FAM227B: variants seen among roughly 807,000 people sequenced by gnomAD.
FAM227B encodes protein FAM227B.
A neutral mutation model predicts 73.8 loss-of-function variants in FAM227B; 88 were observed. The ratio of observed to expected loss-of-function variants is 1.19; its 90% CI spans 1.00 to 1.42. The LOEUF is 1.42. Among genes scored for constraint, FAM227B ranks in the 40% most tolerant of loss-of-function variants. The pLI is 0.00. For synonymous variants in FAM227B, 210 were observed against 190.5 expected (o/e 1.10, Z -0.84); for missense variants, 632 against 590.9 (o/e 1.07, Z -0.72).
intron 13 of FAM227B, among the ~76,000 whole-genome samples, chr15:49,356,128 G>A (rs1450456456): frequency 6.6e-6 from 1 of 152,134 alleles, no homozygotes; most frequent in Non-Finnish European, 1.5e-5. Flanking sequence ...ACCAGCCGCT[G>A]TAAAATCATG....
intron 2 of FAM227B, 134 bp downstream of exon 2, chr15:49,614,987 G>T: frequency 2.6e-6 from 2 of 772,366 alleles, no homozygotes; most frequent in Non-Finnish European, 4.6e-6. Flanking sequence ...TCTGTGCAGC[G>T]AGCATTAAGA....
In FAM227B at chr15:49,422,145, A is replaced by AGAGAGAGAGAGAGTGT. The variant is rs757128514; in HGVS notation, c.1013-50747_1013-50746insACACTCTCTCTCTCTC. Among the ~76,000 whole-genome samples, 7 of 139,916 alleles carry AGAGAGAGAGAGAGTGT rather than the reference A, an allele frequency of 5.0e-5. No individual in the cohort carries two copies. The South Asian group carries it at 8.3e-4, about 17-fold the overall frequency. The allele number at this position is 139,916 out of a possible 152,430, so 91.8% of individuals were successfully genotyped here. Reference sequence around the variant, plus strand: ...TAGAGAGAGAGAGAGAGAGAGAGAGAGTGTGTGTGTGTGTGTGTGCGCGCG... The same window carrying AGAGAGAGAGAGAGTGT: ...TAGAGAGAGAGAGAGAGAGAGAGAGAGAGAGAGAGAGAGTGTGTGTGTGTGTGTGTGTGTGCGCGCG... On this transcript the variant is annotated intron_variant, in intron 11 of 15. Transcript: ENST00000299338.
At chr15:49,511,000 T>C (rs1339824831) in intron 10 of FAM227B, among the ~76,000 whole-genome samples, 4 of 152,030 alleles carry the variant, frequency 2.6e-5, no homozygotes, top group Non-Finnish European at 5.9e-5. Context: ...CTCTGGGTTC[T>C]GAGGACTCAC....
At position 49,541,830 on chromosome 15, in the gene FAM227B, A is replaced by G. The variant is rs767648623; in HGVS notation, c.748-24T>C. 9.0e-6 allele frequency: 12 copies of G among 1,330,550 alleles called. No individual in the cohort carries two copies. In the African/African-American group the frequency reaches 1.2e-4, roughly 14 times the overall value. 82.4% of individuals were successfully genotyped at this position (1,330,550 alleles called of 1,614,324 possible). A position where few individuals can be genotyped will look rare whatever the true frequency, so the allele number is the denominator to read the frequency against. ...ATCTACCAAAATAAAATCAAATTAG[A>G]TTAATTTTATATTTTTAAATTTTAA... On this transcript the variant is annotated intron_variant, in intron 9 of 15. Coordinates refer to ENST00000299338, the MANE Select transcript of FAM227B (RefSeq NM_152647.3).
chr15:49,598,055 T>C (rs534868846), intron 3 of FAM227B, among the ~76,000 whole-genome samples: 10 of 151,964 alleles, frequency 6.6e-5, no homozygotes, highest in Admixed American at 4.6e-4. Context: ...CAAAGAAGAA[T>C]TGGTACCAAT....
Position 49,327,955 on chromosome 15 carries a change from G to T in FAM227B, c.*613C>A. The T allele has an allele frequency of 6.2e-7, 1 of 1,608,364 alleles. No individual in the cohort carries two copies. The highest frequency in any genetic ancestry group is 8.5e-7 in the Non-Finnish European group (1 of 1,176,536). ...ATTTTTTTCCTCACTGTTTTAGGAA[G>T]TTTGGGGCTCAAGGGTCACGACTTA... On this transcript the variant is annotated 3_prime_UTR_variant, in exon 16 of 16. Coordinates refer to ENST00000299338, the MANE Select transcript of FAM227B (RefSeq NM_152647.3).
At chr15:49,604,802 T>C (rs898269350) in intron 3 of FAM227B, among the ~76,000 whole-genome samples, 2 of 151,964 alleles carry the variant, frequency 1.3e-5, no homozygotes, top group African/African-American at 4.8e-5. Flanking sequence ...CCCCTATTCT[T>C]TCTTCTGCTT....
chr15:49,437,823 T>G (rs2051247767), intron 11 of FAM227B, among the ~76,000 whole-genome samples: 1 of 151,654 alleles, frequency 6.6e-6, no homozygotes, highest in South Asian at 2.1e-4. Flanking sequence ...AGAGTCAATT[T>G]CAGTAGAATA....
chr15:49,597,207 G>C (rs942830166), intron 3 of FAM227B, among the ~76,000 whole-genome samples: 1 of 151,942 alleles, frequency 6.6e-6, no homozygotes, highest in Non-Finnish European at 1.5e-5. Flanking sequence ...CTCCAAGATA[G>C]ACCATGTGAC....
intron 9 of FAM227B, among the ~76,000 whole-genome samples, chr15:49,545,468 T>C (rs1056097558): frequency 6.6e-6 from 1 of 152,184 alleles, no homozygotes; most frequent in Non-Finnish European, 1.5e-5. Context: ...TTGTCTTTTA[T>C]AGTTTTTTGT....
chr15:49,353,871 T>A (rs183267042), intron 13 of FAM227B: 8 of 152,324 alleles, frequency 5.3e-5, no homozygotes, highest in Admixed American at 3.3e-4. Context: ...AATTAAGTAG[T>A]CAATGACTTG....
intron 11 of FAM227B, among the ~76,000 whole-genome samples, chr15:49,465,380 C>T (rs1205143723): frequency 1.3e-5 from 2 of 151,666 alleles, no homozygotes; most frequent in Non-Finnish European, 2.9e-5. Context: ...AAGTGATCTG[C>T]CCACCTCGGC....
At chr15:49,616,673 T>C (rs566122792) in intron 1 of FAM227B, among the ~76,000 whole-genome samples, 6 of 152,322 alleles carry the variant, frequency 3.9e-5, no homozygotes, top group African/African-American at 1.4e-4. Flanking sequence ...ATCTACTCTG[T>C]GGTATTCTAT....
intron 11 of FAM227B, among the ~76,000 whole-genome samples, chr15:49,498,402 T>TA (rs534656410): frequency 1.9e-3 from 283 of 152,324 alleles, no homozygotes; most frequent in African/African-American, 6.5e-3. Flanking sequence ...AATAGAGCCT[T>TA]AGCTCTCTTA....
intron 3 of FAM227B, among the ~76,000 whole-genome samples, chr15:49,603,796 T>C (rs972610911): frequency 6.6e-6 from 1 of 152,200 alleles, no homozygotes; most frequent in African/African-American, 2.4e-5. Flanking sequence ...GGGTCTGTCA[T>C]ATATAGCTTT....
intron 13 of FAM227B, 31 bp downstream of exon 13, chr15:49,367,417 T>C (rs2045392656): frequency 1.3e-6 from 2 of 1,497,588 alleles, no homozygotes; most frequent in Non-Finnish European, 1.8e-6. Flanking sequence ...TTGAAAGAAA[T>C]TATATTAAAG....
intron 13 of FAM227B, among the ~76,000 whole-genome samples, chr15:49,354,965 C>G (rs1214515960): frequency 2.0e-5 from 3 of 151,940 alleles, no homozygotes; most frequent in Non-Finnish European, 2.9e-5. Context: ...GGGAGGCACC[C>G]CCCAGCAGGG....
chr15:49,342,330 T>C (rs545256727), intron 13 of FAM227B, among the ~76,000 whole-genome samples: 2 of 152,296 alleles, frequency 1.3e-5, no homozygotes, highest in Non-Finnish European at 2.9e-5. Flanking sequence ...CTGTTTTATC[T>C]GGTATAAGAA....
chr15:49,567,965 A>C (rs1255364836), intron 9 of FAM227B, among the ~76,000 whole-genome samples: 1 of 152,098 alleles, frequency 6.6e-6, no homozygotes, highest in Non-Finnish European at 1.5e-5. Flanking sequence ...AAAAAAAAAC[A>C]GGAACATACA....
Sources: allele counts gnomAD v4.1 joint callset (sites outside exome capture counted in the v4.1 genomes callset), GRCh38; gene constraint gnomAD v4.1.1; transcripts MANE v1.5; gene names NCBI Gene and HGNC (gene_info 2026-07-23, HGNC 2026-07-21).